GTF3A: variants seen among roughly 807,000 people sequenced by gnomAD.
GTF3A encodes transcription factor IIIA.
In GTF3A, 40 loss-of-function variants were observed where a neutral mutation model predicts 37.6. The observed-to-expected ratio is 1.06, with a 90% CI of 0.83 to 1.38. The LOEUF is 1.38. GTF3A is among the 40% of genes most tolerant of loss of function. The pLI is 0.00. For synonymous variants in GTF3A, 191 were observed against 166.7 expected, an observed-to-expected ratio of 1.15 and a Z score of -1.12; for missense variants, 500 against 462.6, an observed-to-expected ratio of 1.08 and a Z score of -0.74.
intron 6 of GTF3A, 21 bp downstream of exon 6, chr13:27,434,240 A>G: frequency 3.3e-6 from 3 of 896,086 alleles, no homozygotes; most frequent in Non-Finnish European, 5.7e-6. Flanking sequence ...CATGAATGGC[A>G]GGCATGGTGT....
At chr13:27,433,244 A>G (rs1303965452) in intron 5 of GTF3A, among the ~76,000 whole-genome samples, 3 of 149,174 alleles carry the variant, frequency 2.0e-5, no homozygotes, top group Admixed American at 2.0e-4. Flanking sequence ...TATATTAACT[A>G]TTTGAATCTA....
chr13:27,434,037 C>A, intron 5 of GTF3A, 102 bp from the exon 6 acceptor site: 1 of 692,940 alleles, frequency 1.4e-6, no homozygotes, highest in African/African-American at 1.8e-5. Context: ...TACTATTAGG[C>A]GGGGAATGGA....
chr13:27,430,055 C>A (rs1593178679), intron 3 of GTF3A, 89 bp downstream of exon 3: 7 of 636,192 alleles, frequency 1.1e-5, no homozygotes. Flanking sequence ...TGCGGTGGCT[C>A]AAGCCTATAA....
At chr13:27,425,252 A>G (rs187639604) in intron 1 of GTF3A, 53 of 331,420 alleles carry the variant, frequency 1.6e-4, no homozygotes, top group Admixed American at 4.5e-4. Context: ...CACCTGCCAA[A>G]CACTGGCCCC....
chr13:27,432,676 A>G (rs1953667797), intron 4 of GTF3A, 55 bp from the exon 5 acceptor site: 2 of 1,418,458 alleles, frequency 1.4e-6, no homozygotes, highest in East Asian at 2.4e-5. Context: ...ATTGACCTTG[A>G]GCGGAGTTCT....
In GTF3A at chr13:27,424,656, C is replaced by G. The variant is rs903712577; in HGVS notation, c.-82C>G. 2.8e-6 allele frequency: 3 copies of G among 1,053,662 alleles called. No homozygotes were observed. The highest frequency in any genetic ancestry group is 1.3e-6 in the Non-Finnish European group (1 of 790,716). 65.3% of individuals were successfully genotyped at this position (1,053,662 alleles called of 1,614,324 possible). ...GTCGCGCGAAGGTTCAGCAGGGAGC[C>G]GTGGGCCGGGCGCGCCGGTTCCCGG... On this transcript the variant is annotated 5_prime_UTR_variant, in exon 1 of 9. Coordinates refer to ENST00000381140, the MANE Select transcript of GTF3A (RefSeq NM_002097.3).
Position 27,427,174 on chromosome 13 carries a change from CAGG to C in GTF3A, c.287_289del (p.Gly96del), listed in dbSNP as rs1953613801. 6.3e-7 allele frequency: 1 copy of C among 1,594,696 alleles called. No homozygotes were observed. The highest frequency in any genetic ancestry group is 8.6e-7 in the Non-Finnish European group (1 of 1,163,864). On this transcript the variant is annotated inframe_deletion, in exon 2 of 9. Coordinates refer to ENST00000381140, the MANE Select transcript of GTF3A (RefSeq NM_002097.3). ...CTGAGCCGCCACATTCTGACTCACACAGGAGAAAAGCCGTTTGTGTAAGTAGAG... is the reference window on the plus strand; with the variant it reads ...CTGAGCCGCCACATTCTGACTCACACAGAAAAGCCGTTTGTGTAAGTAGAG...
intron 4 of GTF3A, among the ~76,000 whole-genome samples, chr13:27,431,123 T>G (rs1372474919): frequency 6.6e-6 from 1 of 152,218 alleles, no homozygotes; most frequent in African/African-American, 2.4e-5. Context: ...GCACCATTTA[T>G]TGAATAGGGA....
Position 27,435,169 on chromosome 13 carries a change from G to A in GTF3A, c.910G>A (p.Asp304Asn). 5 of 1,598,990 alleles carry A rather than the reference G, an allele frequency of 3.1e-6. No homozygotes were observed. The highest frequency in any genetic ancestry group is 4.3e-6 in the Non-Finnish European group (5 of 1,176,106). The change falls in exon 8 of 9, where the codon GAC (aspartate) becomes AAC (asparagine). Residue 304 changes from aspartate (D) to asparagine (N), a missense_variant. Transcript: ENST00000381140. The stretch of plus-strand genomic sequence containing the variant: ...TAGGCATGCTGTTGTACATGATCCT[G>A]ACAAGAAGAAAATGAAGCTCAAAGT...
Position 27,433,048 on chromosome 13 carries a change from C to G in GTF3A, c.562+244C>G, listed in dbSNP as rs181913838. On this transcript the variant is annotated intron_variant, in intron 5 of 8. Transcript: ENST00000381140. ...AACAAGCGCCTGGTTACACATTACA[C>G]TGACGAATGTGCTGATGCTCCAGCC... Among the ~76,000 whole-genome samples, 5 of 152,284 alleles carry G rather than the reference C, an allele frequency of 3.3e-5. No individual in the cohort carries two copies. In the East Asian group the frequency reaches 9.6e-4, roughly 29 times the overall value.
rs1953685784 is a variant in GTF3A, at chr13:27,434,152, A to G, written c.576A>G (p.Gln192=). 2 of 1,313,118 alleles carry G rather than the reference A, an allele frequency of 1.5e-6. No individual in the cohort carries two copies. The highest frequency in any genetic ancestry group is 1.2e-5 in the South Asian group (1 of 85,156). 81.3% of individuals were successfully genotyped at this position (1,313,118 alleles called of 1,614,324 possible). ...TTTTTTTAATAGGCTATGTATGTCAAAAAGGATGTTCCTTTGTGGCAAAAA... is the reference window on the plus strand; with the variant it reads ...TTTTTTTAATAGGCTATGTATGTCAGAAAGGATGTTCCTTTGTGGCAAAAA... The change falls in exon 6 of 9, where the codon CAA becomes CAG. Residue 192 remains glutamine, a synonymous_variant. Coordinates refer to ENST00000381140, the MANE Select transcript of GTF3A (RefSeq NM_002097.3).
rs1302085424 is a variant in GTF3A, at chr13:27,435,313, C to CT, written c.934-117dup. The CT allele has an allele frequency of 8.6e-6, 11 of 1,279,286 alleles. No individual in the cohort carries two copies. The East Asian group carries it at 2.6e-4, about 30-fold the overall frequency. 79.2% of individuals were successfully genotyped at this position (1,279,286 alleles called of 1,614,324 possible). The stretch of plus-strand genomic sequence containing the variant: ...TTTGAGTCTGCACTACTGTTGAAGA[C>CT]TTTACTTCCTCATAAAGCAATGTTG... On this transcript the variant is annotated intron_variant, in intron 8 of 8. Transcript: ENST00000381140.
chr13:27,424,875 C>G lies in GTF3A; in HGVS notation c.138C>G (p.Asp46Glu). The stretch of plus-strand genomic sequence containing the variant: ...GGAGGTTCATCTGCTCCTTCCCTGA[C>G]TGCAGCGCCAATTACAGCAAAGCCT... Residue 46 changes from aspartate (D) to glutamate (E), a missense_variant, in exon 1 of 9, where the codon GAC becomes GAG. Coordinates refer to ENST00000381140, the MANE Select transcript of GTF3A (RefSeq NM_002097.3). 2 of 1,550,168 alleles carry G rather than the reference C, an allele frequency of 1.3e-6. No homozygotes were observed. The highest frequency in any genetic ancestry group is 2.5e-5 in the East Asian group (1 of 40,780).
intron 6 of GTF3A, 108 bp from the exon 7 acceptor site, chr13:27,434,697 T>C (rs1416977677): frequency 6.2e-6 from 4 of 640,718 alleles, no homozygotes; most frequent in African/African-American, 5.5e-5. Context: ...GATTTGTATA[T>C]AGTGATCAGG....
chr13:27,428,286 T>C (rs1953624396), intron 2 of GTF3A, among the ~76,000 whole-genome samples: 1 of 152,090 alleles, frequency 6.6e-6, no homozygotes, highest in African/African-American at 2.4e-5. Context: ...TCCCATCCCT[T>C]GCAACAGGTG....
chr13:27,430,774 ATTGT>A (rs577309886), intron 4 of GTF3A, among the ~76,000 whole-genome samples, 153 bp downstream of exon 4: 82 of 152,066 alleles, frequency 5.4e-4, no homozygotes, highest in African/African-American at 1.9e-3. Flanking sequence ...TTTTCGATGG[ATTGT>A]TTTTTTCTTG....
At chr13:27,435,221 G>A (rs768003537) in intron 8 of GTF3A, 29 bp downstream of exon 8, 1 of 1,557,772 alleles carries the variant, frequency 6.4e-7, no homozygotes, top group Non-Finnish European at 8.7e-7. Context: ...GGCAAGCTTA[G>A]TTTTCAAGTG....
chr13:27,435,171 C>CAAG lies in GTF3A; in HGVS notation c.918_920dup (p.Lys307dup), dbSNP rs758508341. 6.3e-7 allele frequency: 1 copy of CAAG among 1,598,902 alleles called. No homozygotes were observed. The highest frequency in any genetic ancestry group is 8.5e-7 in the Non-Finnish European group (1 of 1,176,024). On this transcript the variant is annotated inframe_insertion, in exon 8 of 9. Transcript: ENST00000381140. ...GGCATGCTGTTGTACATGATCCTGA[C>CAAG]AAGAAGAAAATGAAGCTCAAAGTAA... is the stretch of plus-strand genomic sequence containing the variant.
chr13:27,434,455 A>AT (rs1205623563), intron 6 of GTF3A, among the ~76,000 whole-genome samples: 5 of 152,202 alleles, frequency 3.3e-5, no homozygotes, highest in Non-Finnish European at 7.3e-5. Context: ...GTAGTGAAGA[A>AT]TTTCGGGAGG....
Sources: gnomAD v4.1 joint callset for allele counts (sites outside exome capture counted in the v4.1 genomes callset) on GRCh38, gnomAD v4.1.1 for gene constraint, MANE v1.5 for transcripts, NCBI Gene and HGNC (gene_info 2026-07-23, HGNC 2026-07-21) for gene names.